Variants in SYTL5 observed in about 807,000 individuals in gnomAD.
SYTL5 encodes synaptotagmin-like protein 5.
In SYTL5, 34 loss-of-function variants were observed where a neutral mutation model predicts 55.9. The ratio of observed to expected loss-of-function variants is 0.61; its 90% CI spans 0.46 to 0.81. SYTL5 has a LOEUF of 0.81. Among genes scored for constraint, SYTL5 ranks in the 30% least tolerant of loss-of-function variants. The pLI, the probability that SYTL5 is intolerant of heterozygous loss-of-function variation, is 0.00. For synonymous variants in SYTL5, 221 were observed against 188.7 expected, an observed-to-expected ratio of 1.17 and a Z score of -1.40; for missense variants, 637 against 546.7, an observed-to-expected ratio of 1.17 and a Z score of -1.65.
At chrX:38,011,254 GTC>G (rs1423267957) in intron 1 of SYTL5, among the ~76,000 whole-genome samples, 1 of 112,426 alleles carries the variant, frequency 8.9e-6, no homozygotes, top group Non-Finnish European at 1.9e-5. Flanking sequence ...TGCAAGAAGA[GTC>G]TGGTTTTTCT....
At chrX:38,118,340 T>A (rs1394062021) in intron 13 of SYTL5, among the ~76,000 whole-genome samples, 1 of 110,967 alleles carries the variant, frequency 9.0e-6, no homozygotes, top group African/African-American at 3.3e-5. Flanking sequence ...GTATTTTTAA[T>A]TTTTTTTTAC....
the SYTL5 span, among the ~76,000 whole-genome samples, chrX:37,984,443 T>C: frequency 7.5e-4 from 84 of 112,020 alleles, no homozygotes; most frequent in Non-Finnish European, 1.4e-3. Context: ...AAGAAATAGA[T>C]AATCTGAATA....
At chrX:37,911,116 C>T in the SYTL5 span, among the ~76,000 whole-genome samples, 2 of 108,228 alleles carry the variant, frequency 1.8e-5, no homozygotes, top group Admixed American at 2.0e-4. Context: ...CAGGTGTCTG[C>T]CACCATACCC....
At chrX:38,076,117 A>G (rs1373390345) in intron 5 of SYTL5, among the ~76,000 whole-genome samples, 1 of 112,065 alleles carries the variant, frequency 8.9e-6, no homozygotes, top group East Asian at 2.8e-4. Flanking sequence ...AAATCTGTCA[A>G]GGAACAAGAA....
chrX:37,980,629 C>T, the SYTL5 span, among the ~76,000 whole-genome samples: 1 of 112,289 alleles, frequency 8.9e-6, no homozygotes, highest in South Asian at 3.7e-4. Flanking sequence ...GGAAACTCCA[C>T]TTAGGACTGG....
chrX:38,120,571 C>T, intron 14 of SYTL5, 105 bp downstream of exon 14: 1 of 608,877 alleles, frequency 1.6e-6, no homozygotes, highest in South Asian at 2.6e-5. Context: ...ATTACACAAA[C>T]AAAACATAAA....
the SYTL5 span, among the ~76,000 whole-genome samples, chrX:37,961,562 T>A: frequency 8.9e-6 from 1 of 112,016 alleles, no homozygotes; most frequent in African/African-American, 3.2e-5. Flanking sequence ...CTTTTGAACT[T>A]CCTGGAAGCT....
chrX:38,103,035 G>C (rs1364068625), intron 10 of SYTL5: 1 of 1,153,904 alleles, frequency 8.7e-7, no homozygotes, highest in Non-Finnish European at 1.2e-6. Context: ...GAGTTCTCAA[G>C]CAGGTTCTGA....
chrX:38,040,393 A>G (rs891465344), intron 2 of SYTL5, among the ~76,000 whole-genome samples: 46 of 110,380 alleles, frequency 4.2e-4, no homozygotes, highest in African/African-American at 1.5e-3. Context: ...TATAGTCACC[A>G]CACTGTGCTA....
At chrX:38,050,288 G>A (rs983546) in intron 2 of SYTL5, among the ~76,000 whole-genome samples, 39,023 of 111,030 alleles carry the variant, frequency 0.35, 7,197 homozygotes, top group African/African-American at 0.72. Context: ...GAATTTTAAT[G>A]AAAGCAATTC....
At chrX:38,110,180 AACAAAGAG>A in intron 12 of SYTL5, 133 bp from the exon 13 acceptor site, 1 of 395,031 alleles carries the variant, frequency 2.5e-6, no homozygotes, top group Non-Finnish European at 4.1e-6. Context: ...AACAAAGAAA[AACAAAGAG>A]TTTTCTTTGT....
intron 7 of SYTL5, among the ~76,000 whole-genome samples, chrX:38,093,978 A>G (rs907684140): frequency 9.0e-6 from 1 of 111,433 alleles, no homozygotes; most frequent in Non-Finnish European, 1.9e-5. Flanking sequence ...TACATCCCTC[A>G]TGTAAGATTG....
chrX:37,936,840 G>A, the SYTL5 span, among the ~76,000 whole-genome samples: 6 of 108,881 alleles, frequency 5.5e-5, no homozygotes, highest in Non-Finnish European at 1.1e-4. Context: ...TTGGGAGTTC[G>A]AGACCAGCCT....
intron 7 of SYTL5, among the ~76,000 whole-genome samples, chrX:38,091,387 A>C (rs188197717): frequency 8.9e-5 from 10 of 112,566 alleles, no homozygotes; most frequent in African/African-American, 2.9e-4. Flanking sequence ...ATTTCTGTTC[A>C]ATAGCTAGAA....
chrX:37,920,354 C>A, the SYTL5 span, among the ~76,000 whole-genome samples: 1 of 110,426 alleles, frequency 9.1e-6, no homozygotes, highest in Admixed American at 9.6e-5. Context: ...GGAAAATCTA[C>A]CTCCACAGAT....
At chrX:37,953,261 G>A in the SYTL5 span, among the ~76,000 whole-genome samples, 5 of 111,707 alleles carry the variant, frequency 4.5e-5, no homozygotes, top group Non-Finnish European at 7.5e-5. Flanking sequence ...TTTAAAGTTT[G>A]AAAGCATGAG....
chrX:37,966,658 G>A, the SYTL5 span, among the ~76,000 whole-genome samples: 36 of 110,397 alleles, frequency 3.3e-4, no homozygotes, highest in African/African-American at 1.1e-3. Context: ...GCCTGGTCTC[G>A]AACTCCTGAC....
Position 38,122,100 on chromosome X carries a change from G to A in SYTL5, c.1726G>A (p.Gly576Arg). Residue 576 changes from glycine to arginine, a missense_variant, in exon 15 of 17, where the codon GGA (glycine) becomes AGA (arginine). Gly to Arg is a moderately radical substitution (Grantham distance 125). Transcript: ENST00000297875. ...QLQGNKTFKK[G>R]KKKESPVISG... ...CACAGGAAATAAGACTTTTAAAAAGGGAAAGAAGAAGGAGTCACCTGTAAT... is the reference window on the plus strand; with the variant it reads ...CACAGGAAATAAGACTTTTAAAAAGAGAAAGAAGAAGGAGTCACCTGTAAT... 8.4e-7 allele frequency: 1 copy of A among 1,189,520 alleles called. No homozygotes were observed. Among genetic ancestry groups the A allele is most frequent in the Non-Finnish European group, 1.1e-6 (1 of 883,223 alleles).
At chrX:37,978,121 A>G in the SYTL5 span, among the ~76,000 whole-genome samples, 1 of 111,963 alleles carries the variant, frequency 8.9e-6, no homozygotes, top group East Asian at 2.8e-4. Context: ...AACCTGGAAA[A>G]GGATGAGAAT....
Sources: allele counts gnomAD v4.1 joint callset (sites outside exome capture counted in the v4.1 genomes callset), GRCh38; gene constraint gnomAD v4.1.1; transcripts MANE v1.5; gene names NCBI Gene and HGNC (gene_info 2026-07-23, HGNC 2026-07-21).